GRSF1: variants seen among roughly 807,000 people sequenced by gnomAD.
GRSF1 encodes the protein G-rich RNA sequence binding factor 1, also known as G-rich sequence factor 1.
Under a neutral mutation model 51.1 loss-of-function variants are expected in GRSF1, and 50 were observed. The observed-to-expected ratio is 0.98, with a 90% CI of 0.78 to 1.24. GRSF1 has a LOEUF of 1.24. GRSF1 is among the 50% of genes most tolerant of loss of function. GRSF1 has a pLI of 0.00. For missense variants in GRSF1, 700 were observed against 639.7 expected (o/e 1.09, Z -1.02); for synonymous variants, 293 against 253.3 (o/e 1.16, Z -1.49).
rs532996831 is a variant in GRSF1, at chr4:70,824,083, G to A, written c.*25+211C>T. Among the ~76,000 whole-genome samples the A allele has an allele frequency of 1.6e-4, 22 of 139,910 alleles. No individual in the cohort carries two copies. In the South Asian group the frequency reaches 3.5e-3, roughly 22 times the overall value. The allele number at this position is 139,910 out of a possible 152,430, so 91.8% of individuals were successfully genotyped here. A position where few individuals can be genotyped will look rare whatever the true frequency, so the allele number is the denominator to read the frequency against. ...CCTCCCGGGTTCAAGTGATTCTCCCGCTTCAGCCTCCTGAGTAGCTGGAAT... is the reference window on the plus strand; with the variant it reads ...CCTCCCGGGTTCAAGTGATTCTCCCACTTCAGCCTCCTGAGTAGCTGGAAT... On this transcript the variant is annotated intron_variant, in intron 9 of 9. Transcript: ENST00000254799.
chr4:70,839,436 G>T, intron 1 of GRSF1, 35 bp downstream of exon 1: 1 of 1,483,336 alleles, frequency 6.7e-7, no homozygotes, highest in Non-Finnish European at 8.9e-7. Context: ...GCCCGGGAGG[G>T]ATCTCGCGCC....
chr4:70,825,391 T>TGGG lies in GRSF1; in HGVS notation c.1297_1298insCCC (p.Tyr433delinsSerHis). 1 of 1,611,820 alleles carries TGGG rather than the reference T, an allele frequency of 6.2e-7. No individual in the cohort carries two copies. The highest frequency in any genetic ancestry group is 8.5e-7 in the Non-Finnish European group (1 of 1,178,552). On this transcript the variant is annotated protein_altering_variant, in exon 8 of 10. Transcript: ENST00000254799. ...TCCAGTGGCCTTCCCACTGGAGCTG[T>TGGG]ATTCCATGGTGATTCTAACAGGCTT... is the stretch of plus-strand genomic sequence containing the variant.
intron 4 of GRSF1, 107 bp from the exon 5 acceptor site, chr4:70,831,781 A>G (rs1243597829): frequency 2.1e-6 from 2 of 957,580 alleles, no homozygotes; most frequent in East Asian, 2.6e-5. Context: ...GCCAGTCCCA[A>G]AACTGAATAC....
Position 70,819,351 on chromosome 4 carries a change from C to T in GRSF1, c.*1536G>A, listed in dbSNP as rs1733421959. ...TGGCATATTCAACCATATATGAAAA[C>T]GCATTTCCATCTAGGCAGTACTACT... On this transcript the variant is annotated 3_prime_UTR_variant, in exon 10 of 10. Coordinates refer to ENST00000254799, the MANE Select transcript of GRSF1 (RefSeq NM_002092.4). 1 of 152,124 alleles carries T rather than the reference C, an allele frequency of 6.6e-6. No homozygotes were observed. The highest frequency in any genetic ancestry group is 1.5e-5 in the Non-Finnish European group (1 of 68,034). 9.4% of individuals were successfully genotyped at this position (152,124 alleles called of 1,614,324 possible).
Position 70,839,707 on chromosome 4 carries a change from A to T in GRSF1, c.121T>A (p.Ser41Thr), listed in dbSNP as rs1457397884. 6.8e-7 allele frequency: 1 copy of T among 1,474,334 alleles called. No individual in the cohort carries two copies. The highest frequency in any genetic ancestry group is 8.9e-7 in the Non-Finnish European group (1 of 1,122,396). The allele number at this position is 1,474,334 out of a possible 1,614,324, so 91.3% of individuals were successfully genotyped here. A position where few individuals can be genotyped will look rare whatever the true frequency, so the allele number is the denominator to read the frequency against. Residue 41 changes from serine to threonine, a missense_variant, in exon 1 of 10, where the codon TCG becomes ACG. Physicochemically the swap from Ser to Thr is moderately conservative, Grantham distance 58 (BLOSUM62 1). Coordinates refer to ENST00000254799, the MANE Select transcript of GRSF1 (RefSeq NM_002092.4). Reference protein sequence around the residue: ...PFYSAAGSIPSGVSGRRRLLL... With the variant: ...PFYSAAGSIPTGVSGRRRLLL... ...AGGCGGCGGCGGCCCGAGACGCCCG[A>T]CGGGATAGAGCCAGCGGCGGAGTAG...
intron 5 of GRSF1, among the ~76,000 whole-genome samples, chr4:70,828,850 G>C (rs1038818755): frequency 6.6e-6 from 1 of 150,632 alleles, no homozygotes; most frequent in East Asian, 1.9e-4. Context: ...CAGTTCTCCT[G>C]CCTCAGCCTC....
chr4:70,826,122 A>C lies in GRSF1; in HGVS notation c.1257+2T>G. On this transcript the variant is annotated splice_donor_variant, in intron 7 of 9. Coordinates refer to ENST00000254799, the MANE Select transcript of GRSF1 (RefSeq NM_002092.4). LOFTEE classifies it high-confidence loss of function. ...GAGATTGGATATCTTACTGCCACAC[A>C]CGTTTATAATGTCTTGGGCATTGGC... 1 of 1,608,504 alleles carries C rather than the reference A, an allele frequency of 6.2e-7. No individual in the cohort carries two copies. Among genetic ancestry groups the C allele is most frequent in the Non-Finnish European group, 8.5e-7 (1 of 1,177,202 alleles).
At chr4:70,841,125 G>A (rs1180358090), upstream of GRSF1, among the ~76,000 whole-genome samples, 1 of 152,006 alleles carries the variant, frequency 6.6e-6, no homozygotes, top group African/African-American at 2.4e-5. Context: ...GGGAGACCCC[G>A]TCTATACAAA....
upstream of GRSF1, chr4:70,840,048 C>T (rs1734410287): frequency 1.3e-5 from 6 of 464,292 alleles, no homozygotes; most frequent in Middle Eastern, 5.7e-4. Flanking sequence ...GCGGGGCTGC[C>T]CATGGTTTGG....
chr4:70,840,645 C>G (rs1734428748), upstream of GRSF1, among the ~76,000 whole-genome samples: 1 of 152,110 alleles, frequency 6.6e-6, no homozygotes, highest in South Asian at 2.1e-4. Flanking sequence ...TGCCCGTAAT[C>G]CCAGCTACTC....
At chr4:70,830,437 C>A (rs1733913528) in intron 5 of GRSF1, among the ~76,000 whole-genome samples, 1 of 146,058 alleles carries the variant, frequency 6.8e-6, no homozygotes, top group Admixed American at 6.8e-5. Context: ...AGAATAAGAC[C>A]CTGTGTCTTA....
At chr4:70,829,995 A>G (rs1560597988) in intron 5 of GRSF1, among the ~76,000 whole-genome samples, 1 of 152,254 alleles carries the variant, frequency 6.6e-6, no homozygotes, top group Non-Finnish European at 1.5e-5. Context: ...TAAAACACAA[A>G]TGAACCCACT....
chr4:70,835,483 G>C (rs1734167126), intron 2 of GRSF1, among the ~76,000 whole-genome samples: 1 of 142,350 alleles, frequency 7.0e-6, no homozygotes, highest in East Asian at 2.2e-4. Context: ...TTGAGACAGA[G>C]TCTCACTCTG....
rs1734341646 is a variant in GRSF1, at chr4:70,838,986, C to G, written c.357+485G>C. 1.2e-4 allele frequency: 52 copies of G among 431,966 alleles called. 2 individuals carry two copies. Among genetic ancestry groups the G allele is most frequent in the South Asian group, 1.0e-3 (52 of 49,820 alleles). 26.8% of individuals were successfully genotyped at this position (431,966 alleles called of 1,614,324 possible). A position where few individuals can be genotyped will look rare whatever the true frequency, so the allele number is the denominator to read the frequency against. ...ACAGGCTCCTTCCCTACAAGCCAGC[C>G]CACGCAACTGTGTGCGCGCACCTTC... On this transcript the variant is annotated intron_variant, in intron 1 of 9. Coordinates refer to ENST00000254799, the MANE Select transcript of GRSF1 (RefSeq NM_002092.4).
In GRSF1 at chr4:70,825,166, GTTTAA is replaced by G. The variant is rs1733685636; in HGVS notation, c.1393+125_1393+129del. ...TATAATATAGTGTTTTATCTGTTAC[GTTTAA>G]TTTACTAGTACTAAAAGAATACAAA... is the stretch of plus-strand genomic sequence containing the variant. On this transcript the variant is annotated intron_variant, in intron 8 of 9. Transcript: ENST00000254799. 12 of 603,430 alleles carry G rather than the reference GTTTAA, an allele frequency of 2.0e-5. No individual in the cohort carries two copies. The South Asian group carries it at 3.1e-4, about 16-fold the overall frequency. 37.4% of individuals were successfully genotyped at this position (603,430 alleles called of 1,614,324 possible).
At chr4:70,823,480 TC>T (rs575052624) in intron 9 of GRSF1, among the ~76,000 whole-genome samples, 4 of 43,906 alleles carry the variant, frequency 9.1e-5, no homozygotes, top group South Asian at 1.4e-3. Context: ...AGCAGAATTT[TC>T]TTTTTTTTTT....
rs184303228 is a variant in GRSF1, at chr4:70,835,391, C to T, written c.514+767G>A. ...CTTGCAGTGAGCTGAGATCATGCCA[C>T]TGCACTCCAGCCTGGCGACAGAGCG... On this transcript the variant is annotated intron_variant, in intron 2 of 9. Transcript: ENST00000254799. 3.0e-3 allele frequency among the ~76,000 whole-genome samples: 451 copies of T among 148,202 alleles called. 6 individuals carry two copies. The highest frequency in any genetic ancestry group is 0.01 in the African/African-American group (409 of 40,416).
Position 70,825,984 on chromosome 4 carries a change from T to G in GRSF1, c.1257+140A>C. The G allele has an allele frequency of 2.8e-6, 2 of 703,678 alleles. 1 individual carries two copies. The highest frequency in any genetic ancestry group is 4.8e-6 in the Non-Finnish European group (2 of 419,242). The allele number at this position is 703,678 out of a possible 1,614,324, so 43.6% of individuals were successfully genotyped here. ...TTCAGCTACAGAAAAAGAAGCAAGC[T>G]TTGCAACCAGGAAGATGCCATCTTA... On this transcript the variant is annotated intron_variant, in intron 7 of 9. Transcript: ENST00000254799.
In GRSF1 at chr4:70,819,047, T is replaced by A. The variant is rs746986649; in HGVS notation, c.*1840A>T. The A allele has an allele frequency of 1.3e-5, 2 of 152,208 alleles. No individual in the cohort carries two copies. The highest frequency in any genetic ancestry group is 2.9e-5 in the Non-Finnish European group (2 of 68,034). 9.4% of individuals were successfully genotyped at this position (152,208 alleles called of 1,614,324 possible). On this transcript the variant is annotated 3_prime_UTR_variant, in exon 10 of 10. Transcript: ENST00000254799. The stretch of plus-strand genomic sequence containing the variant: ...TCAAATACATAAAATGATTTCCCAA[T>A]AATGGCCACATTTTGTACAGAAAAC...
Sources: allele counts gnomAD v4.1 joint callset (sites outside exome capture counted in the v4.1 genomes callset), GRCh38; gene constraint gnomAD v4.1.1; transcripts MANE v1.5; gene names NCBI Gene and HGNC (gene_info 2026-07-23, HGNC 2026-07-21).